Variants in PCDH7 observed in about 807,000 individuals in gnomAD.
PCDH7 encodes the protein protocadherin-7.
PCDH7 carries 17 observed loss-of-function variants against 58.9 expected under a neutral mutation model. The observed-to-expected ratio is 0.29, with a 90% CI of 0.20 to 0.43. The LOEUF (loss-of-function observed/expected upper bound fraction) is 0.43, where lower values mean the gene tolerates loss of function less well. Among genes scored for constraint, PCDH7 ranks in the 20% least tolerant of loss-of-function variants. The probability of loss-of-function intolerance (pLI) is 1.00; values close to 1 mark genes in which losing one functional copy is unlikely to be tolerated. For synonymous variants in PCDH7, 664 were observed against 616.4 expected (o/e 1.08, Z -1.14); for missense variants, 1,274 against 1,441.0 (o/e 0.88, Z 1.88).
chr4:30,957,356 C>T (rs1006410469), intron 3 of PCDH7, among the ~76,000 whole-genome samples: 1 of 152,152 alleles, frequency 6.6e-6, no homozygotes, highest in Non-Finnish European at 1.5e-5. Flanking sequence ...ACCAGTAGGA[C>T]ATATTGCTCA....
At position 31,080,290 on chromosome 4, in the gene PCDH7, TA is replaced by T. The variant is rs554182680; in HGVS notation, c.*8-62181del. Among the ~76,000 whole-genome samples the T allele has an allele frequency of 1.7e-4, 26 of 149,148 alleles. No homozygotes were observed. The South Asian group carries it at 5.5e-3, about 32-fold the overall frequency. Reference sequence around the variant, plus strand: ...TATCTTGTTTAGAAAGTTTTTTTTTTAACTAGCATATCTATTCCTTGGATCA... The same window carrying T: ...TATCTTGTTTAGAAAGTTTTTTTTTTACTAGCATATCTATTCCTTGGATCA... On this transcript the variant is annotated intron_variant, in intron 3 of 3. Coordinates refer to the PCDH7 transcript ENST00000509759.
At chr4:30,995,418 A>G (rs1751805490) in intron 3 of PCDH7, among the ~76,000 whole-genome samples, 1 of 152,070 alleles carries the variant, frequency 6.6e-6, no homozygotes, top group East Asian at 1.9e-4. Context: ...AGGCTCACGC[A>G]GGAGACTGGT....
intron 3 of PCDH7, among the ~76,000 whole-genome samples, chr4:31,038,505 A>T (rs1341925793): frequency 6.6e-6 from 1 of 152,172 alleles, no homozygotes; most frequent in Non-Finnish European, 1.5e-5. Context: ...TATAAAGCAG[A>T]AAATAAATAG....
chr4:30,798,949 A>C (rs1725151676), intron 1 of PCDH7, among the ~76,000 whole-genome samples: 1 of 152,210 alleles, frequency 6.6e-6, no homozygotes, highest in African/African-American at 2.4e-5. Flanking sequence ...TATGAATATG[A>C]GTTACACAGT....
At chr4:30,764,076 A>G (rs1469998165) in intron 1 of PCDH7, among the ~76,000 whole-genome samples, 1 of 152,178 alleles carries the variant, frequency 6.6e-6, no homozygotes, top group Non-Finnish European at 1.5e-5. Flanking sequence ...AAAGCAGCCA[A>G]TTAGGATTTG....
chr4:31,124,549 G>A (rs1718070834), intron 3 of PCDH7, among the ~76,000 whole-genome samples: 1 of 152,166 alleles, frequency 6.6e-6, no homozygotes, highest in South Asian at 2.1e-4. Flanking sequence ...ATGTACTTGA[G>A]TGCTCTACTA....
chr4:30,731,932 C>G (rs1715566428), exon 2 of PCDH7: 1 of 152,106 alleles, frequency 6.6e-6, no homozygotes, highest in African/African-American at 2.4e-5. Flanking sequence ...ATTTACCACG[C>G]TGTCTGCCCT....
chr4:30,972,710 G>T (rs574148655), intron 3 of PCDH7, among the ~76,000 whole-genome samples: 1 of 151,866 alleles, frequency 6.6e-6, no homozygotes, highest in African/African-American at 2.4e-5. Flanking sequence ...CACCCACATC[G>T]CCCACACCCT....
chr4:30,937,434 T>C (rs923762290), intron 2 of PCDH7, among the ~76,000 whole-genome samples: 4 of 152,118 alleles, frequency 2.6e-5, no homozygotes, highest in Non-Finnish European at 5.9e-5. Flanking sequence ...TATTTTTAAC[T>C]GCAACACAAG....
At chr4:30,998,846 A>G (rs887729958) in intron 3 of PCDH7, among the ~76,000 whole-genome samples, 3 of 152,160 alleles carry the variant, frequency 2.0e-5, no homozygotes, top group African/African-American at 7.2e-5. Context: ...GAGTTAGGTT[A>G]GGCCAAAAGG....
chr4:31,063,525 C>A (rs1757853789), intron 3 of PCDH7, among the ~76,000 whole-genome samples: 1 of 151,140 alleles, frequency 6.6e-6, no homozygotes, highest in Non-Finnish European at 1.5e-5. Flanking sequence ...TAAAACAATC[C>A]AAATGGGAAA....
chr4:30,843,494 T>C (rs920346594), intron 1 of PCDH7, among the ~76,000 whole-genome samples: 1 of 152,132 alleles, frequency 6.6e-6, no homozygotes, highest in East Asian at 1.9e-4. Context: ...CCGCCTGGCC[T>C]GGAATATAGA....
intron 1 of PCDH7, among the ~76,000 whole-genome samples, chr4:30,755,230 A>G (rs1213025809): frequency 6.6e-6 from 1 of 152,212 alleles, no homozygotes; most frequent in African/African-American, 2.4e-5. Flanking sequence ...TTAGAAATTT[A>G]AACAACTCAA....
At position 30,809,492 on chromosome 4, in the gene PCDH7, A is replaced by G. The variant is rs116098034; in HGVS notation, c.70+84896A>G. On this transcript the variant is annotated intron_variant, in intron 1 of 3. Transcript: ENST00000509759. ...GTCTATAATAAATGCTGTTATGAAT[A>G]ATTAAAGAAATGAAGAACTTGAAAA... Among the ~76,000 whole-genome samples, 959 of 152,310 alleles carry G rather than the reference A, an allele frequency of 6.3e-3. 12 individuals are homozygous for G. The highest frequency in any genetic ancestry group is 0.021 in the African/African-American group (893 of 41,558).
At chr4:30,829,971 C>T (rs925567114) in intron 1 of PCDH7, among the ~76,000 whole-genome samples, 3 of 152,086 alleles carry the variant, frequency 2.0e-5, no homozygotes, top group Non-Finnish European at 4.4e-5. Flanking sequence ...GATTGCACAT[C>T]TAGCTAATCA....
intron 1 of PCDH7, among the ~76,000 whole-genome samples, chr4:30,788,754 A>C (rs1191939707): frequency 6.6e-6 from 1 of 152,054 alleles, no homozygotes; most frequent in Non-Finnish European, 1.5e-5. Flanking sequence ...AACACTCTGA[A>C]CAAGTTAGAA....
chr4:31,002,276 G>C (rs899817075), intron 3 of PCDH7, among the ~76,000 whole-genome samples: 5 of 152,198 alleles, frequency 3.3e-5, no homozygotes, highest in African/African-American at 1.2e-4. Flanking sequence ...AAGCACTCAG[G>C]CACCATGGTT....
At chr4:31,072,522 A>G (rs1404799524) in intron 3 of PCDH7, among the ~76,000 whole-genome samples, 1 of 152,146 alleles carries the variant, frequency 6.6e-6, no homozygotes, top group Non-Finnish European at 1.5e-5. Context: ...ACTAGGTGCC[A>G]ATAAAAGCTT....
At chr4:30,871,302 G>T (rs1487339529) in intron 1 of PCDH7, among the ~76,000 whole-genome samples, 1 of 151,986 alleles carries the variant, frequency 6.6e-6, no homozygotes, top group Non-Finnish European at 1.5e-5. Flanking sequence ...GGAGCATAGG[G>T]TTTTGCTCCA....
Sources: allele counts gnomAD v4.1 joint callset (sites outside exome capture counted in the v4.1 genomes callset), GRCh38; gene constraint gnomAD v4.1.1; transcripts MANE v1.5; gene names NCBI Gene and HGNC (gene_info 2026-07-23, HGNC 2026-07-21).